Variants in GPD2 observed in about 807,000 individuals in gnomAD.
The protein encoded by GPD2 is glycerol-3-phosphate dehydrogenase, mitochondrial.
GPD2 carries 54 observed loss-of-function variants against 82.4 expected under a neutral mutation model. The ratio of observed to expected loss-of-function variants is 0.66; its 90% CI spans 0.53 to 0.82. The LOEUF is 0.82. Among genes scored for constraint, GPD2 ranks in the 40% least tolerant of loss-of-function variants. The probability of loss-of-function intolerance (pLI) is 0.00; values close to 1 mark genes in which losing one functional copy is unlikely to be tolerated. For synonymous variants in GPD2, 288 were observed against 306.1 expected (o/e 0.94, Z 0.62); for missense variants, 748 against 896.2 (o/e 0.83, Z 2.11).
At chr2:156,503,734 A>G (rs564783972) in intron 3 of GPD2, among the ~76,000 whole-genome samples, 3 of 152,308 alleles carry the variant, frequency 2.0e-5, no homozygotes, top group East Asian at 3.9e-4. Context: ...TAGTAAGCAT[A>G]AAAAAGTTTC....
chr2:156,546,966 G>C lies in GPD2; in HGVS notation c.662-2642G>C, dbSNP rs539318179. On this transcript the variant is annotated intron_variant, in intron 6 of 16. Coordinates refer to ENST00000438166, the MANE Select transcript of GPD2 (RefSeq NM_000408.5). ...ATTAGGCTAAACTTAACAGTAATTG[G>C]AAACGTATTCTGTACCTGCTAATAA... 7.9e-5 allele frequency among the ~76,000 whole-genome samples: 12 copies of C among 152,258 alleles called. No homozygotes were observed. In the South Asian group the frequency reaches 2.5e-3, roughly 32 times the overall value.
chr2:156,422,119 A>G, the GPD2 span, among the ~76,000 whole-genome samples: 1 of 152,116 alleles, frequency 6.6e-6, no homozygotes, highest in Non-Finnish European at 1.5e-5. Context: ...AGAGTGAGAA[A>G]AGTATTTAAA....
chr2:156,499,858 G>T (rs1684524472), intron 3 of GPD2, among the ~76,000 whole-genome samples: 1 of 149,708 alleles, frequency 6.7e-6, no homozygotes, highest in South Asian at 2.1e-4. Flanking sequence ...ATCAAGTTCT[G>T]AACCAGCTCT....
the GPD2 span, among the ~76,000 whole-genome samples, chr2:156,415,929 G>C: frequency 1.0e-5 from 1 of 98,552 alleles, no homozygotes; most frequent in Non-Finnish European, 2.6e-5. Context: ...GCTGAGGCAG[G>C]AGAATGGCGT....
chr2:156,468,818 G>A (rs940449621), intron 1 of GPD2, among the ~76,000 whole-genome samples: 16 of 152,134 alleles, frequency 1.1e-4, no homozygotes. Context: ...ATTACCTTAA[G>A]CATTTATTTC....
chr2:156,561,473 A>G (rs1199665730), intron 9 of GPD2, among the ~76,000 whole-genome samples: 2 of 152,166 alleles, frequency 1.3e-5, no homozygotes, highest in East Asian at 3.9e-4. Flanking sequence ...TCCTGATGGG[A>G]TACTATGTGC....
intron 9 of GPD2, among the ~76,000 whole-genome samples, chr2:156,557,836 C>T (rs1687020690): frequency 6.6e-6 from 1 of 152,084 alleles, no homozygotes; most frequent in Admixed American, 6.6e-5. Context: ...CAGAGTAGCC[C>T]CTCTAGCTCT....
upstream of GPD2, among the ~76,000 whole-genome samples, chr2:156,433,496 G>C (rs1688343612): frequency 6.6e-6 from 1 of 152,126 alleles, no homozygotes. Context: ...TGAGCAATCA[G>C]CACTCCTGGC....
At chr2:156,471,965 A>G (rs1033446912) in intron 1 of GPD2, among the ~76,000 whole-genome samples, 5 of 152,244 alleles carry the variant, frequency 3.3e-5, no homozygotes, top group African/African-American at 4.8e-5. Flanking sequence ...GCTCTGGTCT[A>G]TGTCAATGCA....
At position 156,510,889 on chromosome 2, in the gene GPD2, A is replaced by G. The variant is rs1484774102; in HGVS notation, c.368A>G (p.Gln123Arg). 2 of 1,613,382 alleles carry G rather than the reference A, an allele frequency of 1.2e-6. No homozygotes were observed. Among genetic ancestry groups the G allele is most frequent in the Non-Finnish European group, 1.7e-6 (2 of 1,179,292 alleles). The change falls in exon 4 of 17, where the codon CAG becomes CGG. Residue 123 changes from glutamine (Q) to arginine (R), a missense_variant. This residue lies in a region of GPD2 where 692 missense variants were observed against 809.7 expected (regional missense o/e 0.85). Coordinates refer to ENST00000438166, the MANE Select transcript of GPD2 (RefSeq NM_000408.5). ...KLIHGGVRYL[Q>R]KAIMKLDIEQ... Reference sequence around the variant, plus strand: ...ATCCATGGTGGTGTGAGATATCTGCAGAAGGCCATCATGAAGTTGGATATT... The same window carrying G: ...ATCCATGGTGGTGTGAGATATCTGCGGAAGGCCATCATGAAGTTGGATATT...
chr2:156,523,113 T>C (rs1406718630), intron 6 of GPD2, among the ~76,000 whole-genome samples: 2 of 152,168 alleles, frequency 1.3e-5, no homozygotes, highest in Non-Finnish European at 2.9e-5. Flanking sequence ...CCAGAGTCCA[T>C]AGTCTACATG....
At chr2:156,538,052 A>T (rs894263844) in intron 6 of GPD2, among the ~76,000 whole-genome samples, 1 of 152,228 alleles carries the variant, frequency 6.6e-6, no homozygotes, top group Admixed American at 6.5e-5. Flanking sequence ...TATTTTATTG[A>T]TAACTATATT....
intron 6 of GPD2, among the ~76,000 whole-genome samples, chr2:156,541,783 C>T (rs1258981814): frequency 6.9e-6 from 1 of 144,158 alleles, no homozygotes; most frequent in East Asian, 2.1e-4. Context: ...TCACATTGCT[C>T]CCTTTTCCTT....
At chr2:156,419,310 G>T in the GPD2 span, among the ~76,000 whole-genome samples, 1 of 151,998 alleles carries the variant, frequency 6.6e-6, no homozygotes, top group Non-Finnish European at 1.5e-5. Flanking sequence ...CTGCCCACCT[G>T]GGCCTCCCAA....
At chr2:156,465,692 T>G (rs1354666104) in intron 1 of GPD2, among the ~76,000 whole-genome samples, 1 of 152,130 alleles carries the variant, frequency 6.6e-6, no homozygotes, top group African/African-American at 2.4e-5. Context: ...TGAAGTAGAT[T>G]CTGTAACAGC....
intron 1 of GPD2, among the ~76,000 whole-genome samples, chr2:156,461,427 CA>C (rs1419103189): frequency 1.3e-5 from 2 of 152,118 alleles, no homozygotes; most frequent in Non-Finnish European, 2.9e-5. Context: ...CTCACTTTGT[CA>C]CCCAGGTTGG....
At chr2:156,435,516 C>T (rs1324848595), upstream of GPD2, 1 of 152,156 alleles carries the variant, frequency 6.6e-6, no homozygotes, top group African/African-American at 2.4e-5. Context: ...CGCCTCCCCC[C>T]ACCTGTATGA....
chr2:156,413,978 C>T, the GPD2 span, among the ~76,000 whole-genome samples: 1 of 152,132 alleles, frequency 6.6e-6, no homozygotes, highest in Non-Finnish European at 1.5e-5. Flanking sequence ...GATTTATATG[C>T]TCAATATAAT....
At chr2:156,550,271 C>T (rs906521915) in intron 7 of GPD2, among the ~76,000 whole-genome samples, 3 of 152,228 alleles carry the variant, frequency 2.0e-5, no homozygotes, top group Non-Finnish European at 4.4e-5. Flanking sequence ...CAGTGCTGCT[C>T]ACACATTTGA....
Sources: gnomAD v4.1 joint callset for allele counts (sites outside exome capture counted in the v4.1 genomes callset) on GRCh38, gnomAD v4.1.1 for gene constraint, gnomAD v4.1.1 regional missense constraint, MANE v1.5 for transcripts, NCBI Gene and HGNC (gene_info 2026-07-23, HGNC 2026-07-21) for gene names.